The following GRK4 variants were observed in gnomAD, a reference collection of about 807,000 sequenced individuals.
The protein encoded by GRK4 is G protein-coupled receptor kinase 4.
Under a neutral mutation model 77.9 loss-of-function variants are expected in GRK4, and 73 were observed. The observed-to-expected ratio is 0.94, with a 90% CI of 0.78 to 1.14. The LOEUF is 1.14. GRK4 is among the 50% of genes most tolerant of loss of function. The pLI is 0.00. For synonymous variants in GRK4, 257 were observed against 254.4 expected, an observed-to-expected ratio of 1.01 and a Z score of -0.10; for missense variants, 729 against 700.2, an observed-to-expected ratio of 1.04 and a Z score of -0.46.
intron 1 of GRK4, among the ~76,000 whole-genome samples, chr4:2,970,375 C>A (rs1431134180): frequency 6.6e-6 from 1 of 152,104 alleles, no homozygotes. Flanking sequence ...AAATAATATT[C>A]TTGGCCAGGC....
At position 3,037,471 on chromosome 4, in the gene GRK4, G is replaced by A. The variant is rs201392816; in HGVS notation, c.1505G>A (p.Arg502Gln). Residue 502 changes from arginine to glutamine, a missense_variant, in exon 14 of 16, where the codon CGG (arginine) becomes CAG (glutamine). Transcript: ENST00000398052. ...ACCGCAGATGAAGACTTCTATGCTC[G>A]GTTTGCTACCGGGTGTGTCTCCATC... The part of the protein sequence containing the change: ...LDTADEDFYA[R>Q]FATGCVSIPW... 7 of 1,610,426 alleles carry A rather than the reference G, an allele frequency of 4.3e-6. No individual in the cohort carries two copies. The highest frequency in any genetic ancestry group is 1.3e-5 in the African/African-American group (1 of 74,840).
At chr4:3,032,573 G>A (rs1438903525) in intron 12 of GRK4, among the ~76,000 whole-genome samples, 1 of 152,178 alleles carries the variant, frequency 6.6e-6, no homozygotes, top group Non-Finnish European at 1.5e-5. Flanking sequence ...TGGTGTTGGA[G>A]GTGCTGGGAA....
chr4:3,020,123 A>C (rs1438558420), intron 9 of GRK4, among the ~76,000 whole-genome samples: 1 of 151,746 alleles, frequency 6.6e-6, no homozygotes, highest in Non-Finnish European at 1.5e-5. Flanking sequence ...CCTGCCTCAG[A>C]CTCCCAAGTA....
Position 3,004,213 on chromosome 4 carries a change from G to C in GRK4, c.340-18G>C. Reference sequence around the variant, plus strand: ...TGAAATCACTAATGGTTATGTATTTGGTTTGTACTGTATTAAGTTGGCAGC... The same window carrying C: ...TGAAATCACTAATGGTTATGTATTTCGTTTGTACTGTATTAAGTTGGCAGC... On this transcript the variant is annotated intron_variant, in intron 4 of 15. Transcript: ENST00000398052. The C allele has an allele frequency of 6.6e-7, 1 of 1,520,082 alleles. No individual in the cohort carries two copies. Among genetic ancestry groups the C allele is most frequent in the Non-Finnish European group, 9.1e-7 (1 of 1,094,966 alleles). The allele number at this position is 1,520,082 out of a possible 1,614,324, so 94.2% of individuals were successfully genotyped here. A position where few individuals can be genotyped will look rare whatever the true frequency, so the allele number is the denominator to read the frequency against.
At chr4:3,030,612 G>A (rs1009752706) in intron 12 of GRK4, among the ~76,000 whole-genome samples, 17 of 152,066 alleles carry the variant, frequency 1.1e-4, no homozygotes, top group African/African-American at 3.9e-4. Context: ...TCTGGAGGAC[G>A]GGGAACTGCC....
At chr4:3,034,903 T>C (rs2857839) in intron 12 of GRK4, among the ~76,000 whole-genome samples, 98,517 of 151,978 alleles carry the variant, frequency 0.65, 32,643 homozygotes, top group African/African-American at 0.78. Flanking sequence ...CTTTGTGAAG[T>C]GTCATATAAT....
chr4:3,017,191 T>C (rs1350434653), intron 8 of GRK4, among the ~76,000 whole-genome samples: 6 of 152,260 alleles, frequency 3.9e-5, no homozygotes, highest in Non-Finnish European at 7.3e-5. Flanking sequence ...CTCTGGCCTT[T>C]CAGGCACTGA....
intron 12 of GRK4, among the ~76,000 whole-genome samples, chr4:3,035,159 G>A (rs1399616133): frequency 6.6e-6 from 1 of 151,974 alleles, no homozygotes; most frequent in African/African-American, 2.4e-5. Flanking sequence ...GCAGGAGAAT[G>A]GCGTGAACCC....
chr4:2,997,830 C>T (rs190141074), intron 4 of GRK4, among the ~76,000 whole-genome samples: 1 of 151,496 alleles, frequency 6.6e-6, no homozygotes, highest in East Asian at 1.9e-4. Flanking sequence ...ATCACTTGAA[C>T]CTGGGAGGCA....
intron 6 of GRK4, among the ~76,000 whole-genome samples, chr4:3,009,421 CA>C (rs33988983): frequency 0.082 from 7,103 of 86,646 alleles, 150 homozygotes; most frequent in African/African-American, 0.12. Flanking sequence ...GACTCCATCT[CA>C]AAAAAAAAAA....
chr4:3,009,020 C>G, intron 6 of GRK4, among the ~76,000 whole-genome samples: 1 of 152,074 alleles, frequency 6.6e-6, no homozygotes, highest in Admixed American at 6.6e-5. Context: ...AAGAGTATAC[C>G]AGGAGTTATG....
intron 10 of GRK4, among the ~76,000 whole-genome samples, chr4:3,026,716 C>T (rs891402403): frequency 3.9e-5 from 6 of 152,362 alleles, no homozygotes; most frequent in East Asian, 1.9e-4. Flanking sequence ...TGTGCTCTCC[C>T]GCCTCCCAGG....
intron 8 of GRK4, among the ~76,000 whole-genome samples, chr4:3,016,871 AAG>A (rs1734698106): frequency 6.6e-6 from 1 of 152,192 alleles, no homozygotes; most frequent in East Asian, 1.9e-4. Flanking sequence ...GGCCTCTCCC[AAG>A]GAACCTAGAG....
chr4:3,012,503 C>G (rs1200326349), intron 7 of GRK4, among the ~76,000 whole-genome samples: 1 of 152,160 alleles, frequency 6.6e-6, no homozygotes, highest in African/African-American at 2.4e-5. Flanking sequence ...CCAATATTTT[C>G]CACAATTAAC....
At chr4:2,982,070 C>T (rs762827566) in intron 1 of GRK4, among the ~76,000 whole-genome samples, 8 of 152,258 alleles carry the variant, frequency 5.3e-5, no homozygotes, top group Non-Finnish European at 1.0e-4. Context: ...TCAGTGGGAA[C>T]AGGCACTTCT....
intron 9 of GRK4, among the ~76,000 whole-genome samples, chr4:3,020,591 A>G (rs934573910): frequency 2.6e-5 from 4 of 152,170 alleles, no homozygotes; most frequent in Non-Finnish European, 4.4e-5. Flanking sequence ...GGAAAAAACA[A>G]TTCCCCCTCC....
chr4:2,981,689 A>T (rs1261924535), intron 1 of GRK4, among the ~76,000 whole-genome samples: 3 of 152,228 alleles, frequency 2.0e-5, no homozygotes, highest in African/African-American at 7.2e-5. Flanking sequence ...AAAAACCACC[A>T]TAAGTTCTCA....
rs778027536 is a variant in GRK4 at position 3,013,793 on chromosome 4, A to G, written c.706A>G (p.Lys236Glu). 1.8e-5 allele frequency: 29 copies of G among 1,611,218 alleles called. No individual in the cohort carries two copies. The highest frequency in any genetic ancestry group is 2.4e-5 in the Non-Finnish European group (28 of 1,179,204). ...AGGTGAAGCTATGGCTCTAAATGAG[A>G]AAAGAATTCTGGAGAAAGTGCAAAG... ...RKGEAMALNEKRILEKVQSRF... is the reference protein window; with the variant it reads ...RKGEAMALNEERILEKVQSRF... Residue 236 changes from lysine (K) to glutamate (E), a missense_variant, in exon 8 of 16, where the codon AAA (lysine) becomes GAA (glutamate). Coordinates refer to ENST00000398052, the MANE Select transcript of GRK4 (RefSeq NM_182982.3).
chr4:2,975,290 A>T (rs1720780825), intron 1 of GRK4, among the ~76,000 whole-genome samples: 1 of 152,186 alleles, frequency 6.6e-6, no homozygotes, highest in Non-Finnish European at 1.5e-5. Flanking sequence ...CCACAGAGCC[A>T]GACTCTGTCT....
Sources: gnomAD v4.1 joint callset for allele counts (sites outside exome capture counted in the v4.1 genomes callset) on GRCh38, gnomAD v4.1.1 for gene constraint, MANE v1.5 for transcripts, NCBI Gene and HGNC (gene_info 2026-07-23, HGNC 2026-07-21) for gene names.